Variants in EFTUD2 observed in about 807,000 individuals in gnomAD.
The protein encoded by EFTUD2 is 116 kDa U5 small nuclear ribonucleoprotein component.
A neutral mutation model predicts 114.3 loss-of-function variants in EFTUD2; 9 were observed. That is an observed-to-expected ratio of 0.08 (90% CI 0.05 to 0.14). The LOEUF (loss-of-function observed/expected upper bound fraction) is 0.14, where lower values mean the gene tolerates loss of function less well. EFTUD2 is among the 10% of genes least tolerant of loss of function. The pLI, the probability that EFTUD2 is intolerant of heterozygous loss-of-function variation, is 1.00. For missense variants in EFTUD2, 765 were observed against 1,241.2 expected, an observed-to-expected ratio of 0.62 and a Z score of 5.76; for synonymous variants, 449 against 462.3, an observed-to-expected ratio of 0.97 and a Z score of 0.37.
chr17:44,859,639 A>ACG (rs1013748455), intron 18 of EFTUD2: 23 of 544,078 alleles, frequency 4.2e-5, no homozygotes, highest in East Asian at 9.0e-5. Flanking sequence ...GAACACAAAT[A>ACG]CGCACACACA....
chr17:44,865,395 T>G, intron 13 of EFTUD2: 1 of 209,950 alleles, frequency 4.8e-6, no homozygotes, highest in Admixed American at 5.4e-5. Flanking sequence ...AACAGAAGTC[T>G]ATTTACAGAC....
At chr17:44,862,108 C>T (rs2050669810) in intron 16 of EFTUD2, among the ~76,000 whole-genome samples, 1 of 152,102 alleles carries the variant, frequency 6.6e-6, no homozygotes, top group Non-Finnish European at 1.5e-5. Flanking sequence ...TGGAAATCCT[C>T]CTACAAAAGT....
At chr17:44,853,946 G>A in intron 23 of EFTUD2, 1 of 1,354,866 alleles carries the variant, frequency 7.4e-7, no homozygotes, top group Non-Finnish European at 9.5e-7. Flanking sequence ...TTGTACATTT[G>A]GTCCATGAAG....
intron 9 of EFTUD2, among the ~76,000 whole-genome samples, chr17:44,877,813 C>A (rs1186442143): frequency 4.5e-5 from 5 of 110,106 alleles, no homozygotes; most frequent in South Asian, 6.6e-4. Context: ...CTCAAAAAAA[C>A]AAAACAACAA....
chr17:44,860,962 C>T (rs2050647324), intron 16 of EFTUD2, among the ~76,000 whole-genome samples: 1 of 152,152 alleles, frequency 6.6e-6, no homozygotes, highest in Admixed American at 6.5e-5. Flanking sequence ...AAAACAGATA[C>T]ATTCTAGCAG....
Position 44,872,533 on chromosome 17 carries a change from G to A in EFTUD2, c.907C>T (p.Leu303Phe). Reference protein sequence around the residue: ...STDENLILSPLLGNVCFSSSQ... With the variant: ...STDENLILSPFLGNVCFSSSQ... ...CTGGAGAAGCAGACGTTACCCAGGA[G>A]TGGGGAAAGGATCAGGTTCTCATCA... The change falls in exon 11 of 28, where the codon CTC becomes TTC. Residue 303 changes from leucine to phenylalanine, a missense_variant. Transcript: ENST00000426333. 1 of 1,613,042 alleles carries A rather than the reference G, an allele frequency of 6.2e-7. No individual in the cohort carries two copies. Among genetic ancestry groups the A allele is most frequent in the South Asian group, 1.1e-5 (1 of 91,076 alleles).
At chr17:44,855,597 GACAAACAA>G (rs370633043) in intron 20 of EFTUD2, among the ~76,000 whole-genome samples, 5 of 151,132 alleles carry the variant, frequency 3.3e-5, no homozygotes, top group Admixed American at 6.6e-5. Context: ...AAAAACCCCA[GACAAACAA>G]ACAAACAAAC....
intron 3 of EFTUD2, among the ~76,000 whole-genome samples, chr17:44,886,229 G>A (rs1041190755): frequency 3.3e-5 from 5 of 151,954 alleles, no homozygotes; most frequent in East Asian, 1.9e-4. Flanking sequence ...GCAAGACTTC[G>A]TCTCAAAAAA....
At chr17:44,876,855 C>CAAAAAAAAAA (rs58892812) in intron 9 of EFTUD2, among the ~76,000 whole-genome samples, 3 of 48,240 alleles carry the variant, frequency 6.2e-5, no homozygotes. Context: ...GACTCCGTCT[C>CAAAAAAAAAA]AAAAAAAAAA....
In EFTUD2 at chr17:44,862,817, A is replaced by T; in HGVS notation, c.1503T>A (p.Ile501=). The T allele has an allele frequency of 6.2e-7, 1 of 1,614,218 alleles. No homozygotes were observed. Among genetic ancestry groups the T allele is most frequent in the Non-Finnish European group, 8.5e-7 (1 of 1,180,032 alleles). Residue 501 remains isoleucine (I), a synonymous_variant, in exon 16 of 28, where the codon ATT becomes ATA. Coordinates refer to ENST00000426333, the MANE Select transcript of EFTUD2 (RefSeq NM_004247.4). The part of the protein sequence containing the change: ...HAFGRVLSGT[I]HAGQPVKVLG... ...GTACCTTCACAGGCTGCCCAGCATG[A>T]ATGGTGCCACTCAGCACCCGGCCAA...
chr17:44,854,334 G>A lies in EFTUD2; in HGVS notation c.2282C>T (p.Ser761Leu), dbSNP rs1159754491. The A allele has an allele frequency of 6.2e-7, 1 of 1,613,924 alleles. No individual in the cohort carries two copies. Among genetic ancestry groups the A allele is most frequent in the East Asian group, 2.2e-5 (1 of 44,884 alleles). The change falls in exon 23 of 28, where the codon TCA (serine) becomes TTA (leucine). Residue 761 changes from serine (S) to leucine (L), a missense_variant. This residue lies in a region of EFTUD2 where 166 missense variants were observed against 401.5 expected (regional missense o/e 0.41). Coordinates refer to ENST00000426333, the MANE Select transcript of EFTUD2 (RefSeq NM_004247.4). The surrounding 1 kb of genome is among the most constrained non-coding windows in gnomAD (Gnocchi z 4.3). ...ACCTTGAACGATGCTGTCCTTCACTGAACCAAGAAGAGCCTTGTCCACCTA... is the reference window on the plus strand; with the variant it reads ...ACCTTGAACGATGCTGTCCTTCACTAAACCAAGAAGAGCCTTGTCCACCTA... ...PSEVDKALLG[S>L]VKDSIVQGFQ...
In EFTUD2 at chr17:44,851,204, G is replaced by C; in HGVS notation, c.*70C>G. 1 of 1,273,528 alleles carries C rather than the reference G, an allele frequency of 7.9e-7. No homozygotes were observed. Among genetic ancestry groups the C allele is most frequent in the Non-Finnish European group, 1.1e-6 (1 of 873,140 alleles). The allele number at this position is 1,273,528 out of a possible 1,614,324, so 78.9% of individuals were successfully genotyped here. On this transcript the variant is annotated 3_prime_UTR_variant, in exon 28 of 28. Coordinates refer to ENST00000426333, the MANE Select transcript of EFTUD2 (RefSeq NM_004247.4). ...TGACAACACGAAGGCCACGTCATAT[G>C]AGGTCTCAGCTTCAAGTACAGGAGT...
intron 20 of EFTUD2, among the ~76,000 whole-genome samples, chr17:44,856,770 A>C (rs202236101): frequency 1.9e-4 from 29 of 151,876 alleles, no homozygotes; most frequent in African/African-American, 1.7e-4. Flanking sequence ...AAAAAAAAAA[A>C]AACAAAAAAA....
chr17:44,860,115 A>G, intron 17 of EFTUD2, 70 bp from the exon 18 acceptor site: 1 of 1,606,530 alleles, frequency 6.2e-7, no homozygotes, highest in East Asian at 2.2e-5. Flanking sequence ...GAGGTATGAG[A>G]AGAGAAGAGG....
chr17:44,856,758 C>A (rs1211116712), intron 20 of EFTUD2, among the ~76,000 whole-genome samples: 170 of 124,588 alleles, frequency 1.4e-3, no homozygotes, highest in South Asian at 1.5e-3. Context: ...CAGCCTGTGT[C>A]AAAAAAAAAA....
rs1442782413 is a variant in EFTUD2, at chr17:44,850,072, C to G, written c.*1202G>C. 1.0e-5 allele frequency: 4 copies of G among 391,878 alleles called. No individual in the cohort carries two copies. The highest frequency in any genetic ancestry group is 1.9e-5 in the Non-Finnish European group (4 of 211,394). 24.3% of individuals were successfully genotyped at this position (391,878 alleles called of 1,614,324 possible). On this transcript the variant is annotated 3_prime_UTR_variant, in exon 28 of 28. Transcript: ENST00000426333. Reference sequence around the variant, plus strand: ...GTAACATGACAATAACCACCCCTGGCCTGCCTACCTTGCAGGCTGCTGTGA... The same window carrying G: ...GTAACATGACAATAACCACCCCTGGGCTGCCTACCTTGCAGGCTGCTGTGA...
intron 11 of EFTUD2, 196 bp from the exon 12 acceptor site, chr17:44,868,546 G>C (rs1364933633): frequency 3.6e-6 from 2 of 551,910 alleles, no homozygotes; most frequent in Admixed American, 3.3e-5. Flanking sequence ...AAGTTGACAA[G>C]GCTGTGCTGG....
rs2050492657 is a variant in EFTUD2, at chr17:44,853,500, C to G, written c.2466+17G>C. ...GTCCAGTGAAGCAGATGGTCCCCTA[C>G]CGCCCCATTCTCTTACCATGAGGAA... On this transcript the variant is annotated intron_variant, in intron 24 of 27. Coordinates refer to ENST00000426333, the MANE Select transcript of EFTUD2 (RefSeq NM_004247.4). The G allele has an allele frequency of 6.2e-7, 1 of 1,613,698 alleles. No homozygotes were observed. The highest frequency in any genetic ancestry group is 1.3e-5 in the African/African-American group (1 of 75,040).
chr17:44,860,841 C>G (rs1225056548), intron 16 of EFTUD2, among the ~76,000 whole-genome samples: 3 of 152,098 alleles, frequency 2.0e-5, no homozygotes, highest in Non-Finnish European at 2.9e-5. Flanking sequence ...TCAAGCAATC[C>G]TCCTGCCTCA....
Sources: gnomAD v4.1 joint callset for allele counts (sites outside exome capture counted in the v4.1 genomes callset) on GRCh38, gnomAD v4.1.1 for gene constraint, gnomAD v4.1.1 regional missense constraint, Gnocchi (gnomAD v3.1) non-coding constraint, MANE v1.5 for transcripts, NCBI Gene and HGNC (gene_info 2026-07-23, HGNC 2026-07-21) for gene names.